Variants in DLG2 observed in about 807,000 individuals in gnomAD.
The protein encoded by DLG2 is disks large homolog 2.
DLG2 carries 45 observed loss-of-function variants against 132.5 expected under a neutral mutation model. The ratio of observed to expected loss-of-function variants is 0.34; its 90% CI spans 0.27 to 0.44. The LOEUF is 0.44. Ranked by LOEUF, DLG2 falls within the 20% of genes least tolerant of loss-of-function variation. The pLI, the probability that DLG2 is intolerant of heterozygous loss-of-function variation, is 1.00. For missense variants in DLG2, 1,045 were observed against 1,196.9 expected (o/e 0.87, Z 1.87); for synonymous variants, 424 against 419.6 (o/e 1.01, Z -0.13).
At chr11:83,850,307 C>G (rs934341918) in intron 16 of DLG2, among the ~76,000 whole-genome samples, 10 of 152,082 alleles carry the variant, frequency 6.6e-5, no homozygotes, top group African/African-American at 2.4e-4. Context: ...GCATGTGCCA[C>G]CACTCCCGGC....
intron 15 of DLG2, among the ~76,000 whole-genome samples, chr11:83,910,098 G>A (rs894647848): frequency 1.3e-5 from 2 of 152,146 alleles, no homozygotes; most frequent in African/African-American, 4.8e-5. Flanking sequence ...AAACCCAGCA[G>A]AGTAAATCAA....
At chr11:84,669,951 A>G (rs977885670) in intron 6 of DLG2, among the ~76,000 whole-genome samples, 1 of 152,170 alleles carries the variant, frequency 6.6e-6, no homozygotes, top group African/African-American at 2.4e-5. Flanking sequence ...AGAGACCAGC[A>G]CATACAAAGG....
chr11:84,280,708 T>G (rs1050600423), intron 7 of DLG2, among the ~76,000 whole-genome samples: 1 of 150,524 alleles, frequency 6.6e-6, no homozygotes. Context: ...TTGTTTTTTG[T>G]TTTTTTTGAG....
At chr11:84,318,843 C>T (rs1283645239) in intron 7 of DLG2, among the ~76,000 whole-genome samples, 1 of 152,134 alleles carries the variant, frequency 6.6e-6, no homozygotes, top group East Asian at 1.9e-4. Context: ...GCACCTTTCA[C>T]ACCGTCCACC....
chr11:83,688,221 A>T (rs2080183973), intron 18 of DLG2, among the ~76,000 whole-genome samples: 2 of 152,182 alleles, frequency 1.3e-5, no homozygotes, highest in South Asian at 4.1e-4. Context: ...ATTTATTCAG[A>T]AATTTCCTTA....
chr11:83,759,494 C>A (rs949440475), intron 18 of DLG2, among the ~76,000 whole-genome samples: 1 of 152,168 alleles, frequency 6.6e-6, no homozygotes, highest in Admixed American at 6.6e-5. Flanking sequence ...AAGGCTTTAG[C>A]AAATGTCTTT....
At chr11:85,314,590 A>C (rs2080527979) in intron 3 of DLG2, among the ~76,000 whole-genome samples, 2 of 151,924 alleles carry the variant, frequency 1.3e-5, no homozygotes. Context: ...AGGCAAATTA[A>C]ATTTCTGGTA....
chr11:85,152,987 T>C (rs2077354994), intron 5 of DLG2, among the ~76,000 whole-genome samples: 1 of 152,204 alleles, frequency 6.6e-6, no homozygotes, highest in African/African-American at 2.4e-5. Flanking sequence ...AAAATATTCC[T>C]GAAGGCATTT....
intron 7 of DLG2, among the ~76,000 whole-genome samples, chr11:84,265,654 T>C (rs1228993388): frequency 6.6e-6 from 1 of 152,102 alleles, no homozygotes. Flanking sequence ...TTATACTACT[T>C]TGAAAATTGT....
At chr11:84,490,025 A>G (rs925654690) in intron 7 of DLG2, among the ~76,000 whole-genome samples, 2 of 152,190 alleles carry the variant, frequency 1.3e-5, no homozygotes, top group Non-Finnish European at 2.9e-5. Flanking sequence ...AATGAATGCT[A>G]TTAAGAATGA....
chr11:84,140,634 G>A (rs1360959878), intron 9 of DLG2, among the ~76,000 whole-genome samples: 2 of 152,128 alleles, frequency 1.3e-5, no homozygotes, highest in African/African-American at 4.8e-5. Context: ...TTAGGCAGAT[G>A]AGCAGGGAGA....
At chr11:85,553,954 A>T (rs2076802906) in intron 3 of DLG2, among the ~76,000 whole-genome samples, 1 of 151,418 alleles carries the variant, frequency 6.6e-6, no homozygotes, top group African/African-American at 2.4e-5. Context: ...CAGAATATTT[A>T]GAAAGTAACA....
At chr11:84,683,982 T>C (rs995121122) in intron 6 of DLG2, among the ~76,000 whole-genome samples, 1 of 152,194 alleles carries the variant, frequency 6.6e-6, no homozygotes, top group Non-Finnish European at 1.5e-5. Flanking sequence ...AAATTTCAAA[T>C]AGAAAACATC....
chr11:84,705,038 C>A (rs1046006555), intron 6 of DLG2, among the ~76,000 whole-genome samples: 3 of 151,524 alleles, frequency 2.0e-5, no homozygotes. Flanking sequence ...AATTTAAGAA[C>A]AAACTTTTTA....
At chr11:85,348,827 C>T (rs914750937) in intron 3 of DLG2, among the ~76,000 whole-genome samples, 1 of 152,140 alleles carries the variant, frequency 6.6e-6, no homozygotes, top group East Asian at 1.9e-4. Flanking sequence ...CCTTCATCTC[C>T]ATCCCCATTA....
At chr11:83,515,091 C>T (rs1047517759) in intron 21 of DLG2, among the ~76,000 whole-genome samples, 11 of 152,090 alleles carry the variant, frequency 7.2e-5, no homozygotes. Flanking sequence ...GGAATAGTTT[C>T]AGAAGGAATG....
rs146824989 is a variant in DLG2 at position 84,541,030 on chromosome 11, G to A, written c.358-6299C>T. ...CACAGGGTGGGGAACATCACACACC[G>A]GGACCTGTCATGTGGTGGAGGGAGA... On this transcript the variant is annotated intron_variant, in intron 6 of 27. Transcript: ENST00000376104. Among the ~76,000 whole-genome samples the A allele has an allele frequency of 3.2e-3, 494 of 152,048 alleles. 9 individuals are homozygous for A. The East Asian group carries it at 0.052, about 16-fold the overall frequency.
chr11:85,418,362 A>G (rs892503758), intron 3 of DLG2, among the ~76,000 whole-genome samples: 1 of 152,192 alleles, frequency 6.6e-6, no homozygotes, highest in Non-Finnish European at 1.5e-5. Flanking sequence ...TTTACTTCCA[A>G]TTATGTGGTC....
intron 6 of DLG2, among the ~76,000 whole-genome samples, chr11:84,853,170 G>A (rs948880887): frequency 6.6e-6 from 1 of 151,920 alleles, no homozygotes; most frequent in Non-Finnish European, 1.5e-5. Flanking sequence ...GGTTTCCTGA[G>A]TCTGTGTTTT....
Sources: allele counts gnomAD v4.1 joint callset (sites outside exome capture counted in the v4.1 genomes callset), GRCh38; gene constraint gnomAD v4.1.1; transcripts MANE v1.5; gene names NCBI Gene and HGNC (gene_info 2026-07-23, HGNC 2026-07-21).